The following SH3RF3 variants were observed in gnomAD, a reference collection of about 807,000 sequenced individuals.
SH3RF3 encodes the protein E3 ubiquitin-protein ligase SH3RF3.
Under a neutral mutation model 66.3 loss-of-function variants are expected in SH3RF3, and 29 were observed. The ratio of observed to expected loss-of-function variants is 0.44; its 90% confidence interval spans 0.33 to 0.60. SH3RF3 has a LOEUF of 0.60. SH3RF3 is among the 20% of genes least tolerant of loss of function. The pLI is 0.04. For missense variants in SH3RF3, 1,194 were observed against 1,190.9 expected (o/e 1.00, Z -0.04); for synonymous variants, 583 against 532.0 (o/e 1.10, Z -1.32).
intron 1 of SH3RF3, among the ~76,000 whole-genome samples, chr2:109,192,516 C>A (rs993500120): frequency 6.6e-6 from 1 of 152,136 alleles, no homozygotes; most frequent in Non-Finnish European, 1.5e-5. Flanking sequence ...GTAAGCCTTT[C>A]TTATAGAGAT....
intron 1 of SH3RF3, among the ~76,000 whole-genome samples, chr2:109,292,624 G>T (rs953774379): frequency 6.6e-6 from 1 of 152,064 alleles, no homozygotes; most frequent in Non-Finnish European, 1.5e-5. Flanking sequence ...CTTTCCTCTT[G>T]CCAATTTTCT....
intron 1 of SH3RF3, among the ~76,000 whole-genome samples, chr2:109,248,250 G>A (rs970797652): frequency 5.9e-5 from 9 of 152,126 alleles, no homozygotes; most frequent in South Asian, 4.1e-4. Flanking sequence ...AATAAACAAG[G>A]TCACTTCTCT....
At chr2:109,378,009 C>A (rs1371350560) in intron 3 of SH3RF3, among the ~76,000 whole-genome samples, 2 of 152,210 alleles carry the variant, frequency 1.3e-5, no homozygotes, top group African/African-American at 4.8e-5. Context: ...GCAGCTCCGC[C>A]GTGTTGGATT....
At chr2:109,372,224 T>A (rs926336273) in intron 3 of SH3RF3, among the ~76,000 whole-genome samples, 1 of 152,202 alleles carries the variant, frequency 6.6e-6, no homozygotes, top group African/African-American at 2.4e-5. Flanking sequence ...TAATTTCCTT[T>A]CCCTTTTCTG....
chr2:109,170,242 CT>C (rs1558938105), intron 1 of SH3RF3, among the ~76,000 whole-genome samples: 1 of 9,788 alleles, frequency 1.0e-4, no homozygotes, highest in Non-Finnish European at 2.4e-4. Context: ...CTCTTCTTTT[CT>C]TTTCTCTTCT....
intron 1 of SH3RF3, among the ~76,000 whole-genome samples, chr2:109,271,379 C>G (rs1408802615): frequency 2.6e-5 from 4 of 152,310 alleles, no homozygotes; most frequent in Admixed American, 6.5e-5. Context: ...AATCTCAACC[C>G]AAAAGCTCAA....
chr2:109,370,738 A>AC (rs964782609), intron 2 of SH3RF3, among the ~76,000 whole-genome samples: 6 of 149,868 alleles, frequency 4.0e-5, no homozygotes, highest in Admixed American at 2.7e-4. Flanking sequence ...CCCAGTCTCA[A>AC]CCCCCCCGAA....
At chr2:109,208,808 C>T (rs1200939381) in intron 1 of SH3RF3, among the ~76,000 whole-genome samples, 1 of 152,188 alleles carries the variant, frequency 6.6e-6, no homozygotes, top group Admixed American at 6.5e-5. Context: ...GCAGATGTCT[C>T]AAGCATGAGA....
In SH3RF3 at chr2:109,280,206, C is replaced by T. The variant is rs192858316; in HGVS notation, c.574-67468C>T. ...TCAGTGGCCTGCACTAGTGAATGCC[C>T]GTGGCACACAGAACACCTGGCTGTG... On this transcript the variant is annotated intron_variant, in intron 1 of 9. Coordinates refer to ENST00000309415, the MANE Select transcript of SH3RF3 (RefSeq NM_001099289.3). Among the ~76,000 whole-genome samples the T allele has an allele frequency of 3.8e-3, 575 of 152,256 alleles. 3 individuals are homozygous for T. The highest frequency in any genetic ancestry group is 0.013 in the African/African-American group (551 of 41,550).
chr2:109,319,742 C>T (rs988738434), intron 1 of SH3RF3, among the ~76,000 whole-genome samples: 3 of 152,242 alleles, frequency 2.0e-5, no homozygotes, highest in Non-Finnish European at 4.4e-5. Context: ...CTGCCTGCCC[C>T]CAGCCTGTCC....
At chr2:109,234,133 AGATT>A (rs1278770008) in intron 1 of SH3RF3, among the ~76,000 whole-genome samples, 3 of 152,254 alleles carry the variant, frequency 2.0e-5, no homozygotes, top group Non-Finnish European at 2.9e-5. Context: ...AGGAAATGCC[AGATT>A]GTTTTTCAAA....
intron 7 of SH3RF3, 138 bp downstream of exon 7, chr2:109,437,284 A>T: frequency 7.3e-7 from 1 of 1,361,374 alleles, no homozygotes; most frequent in Non-Finnish European, 9.8e-7. Flanking sequence ...GGAGAAACTT[A>T]AGGAAAACCG....
intron 1 of SH3RF3, among the ~76,000 whole-genome samples, chr2:109,298,488 G>A (rs1305557557): frequency 1.3e-5 from 2 of 152,120 alleles, no homozygotes; most frequent in Admixed American, 6.5e-5. Flanking sequence ...CAGGCTGGGT[G>A]GGGGATGATT....
At chr2:109,345,158 GTC>G (rs914510640) in intron 1 of SH3RF3, among the ~76,000 whole-genome samples, 2 of 152,196 alleles carry the variant, frequency 1.3e-5, no homozygotes, top group African/African-American at 2.4e-5. Context: ...AGATGCCTCA[GTC>G]TCTCTGGCTC....
intron 1 of SH3RF3, among the ~76,000 whole-genome samples, chr2:109,286,482 C>T (rs896481149): frequency 2.6e-5 from 4 of 152,178 alleles, no homozygotes; most frequent in Admixed American, 1.3e-4. Flanking sequence ...CACAGTCCCG[C>T]ACAAGGCCAT....
chr2:109,421,031 A>G (rs1441619296), intron 5 of SH3RF3, among the ~76,000 whole-genome samples: 1 of 152,222 alleles, frequency 6.6e-6, no homozygotes, highest in African/African-American at 2.4e-5. Flanking sequence ...GCACTGGACA[A>G]AAGATACTAC....
At chr2:109,430,697 C>A (rs946517879) in intron 5 of SH3RF3, among the ~76,000 whole-genome samples, 1 of 152,246 alleles carries the variant, frequency 6.6e-6, no homozygotes, top group Middle Eastern at 3.2e-3. Context: ...GGAACAGAAT[C>A]ACACCCTGGT....
At chr2:109,377,262 C>T (rs1559050822) in intron 3 of SH3RF3, among the ~76,000 whole-genome samples, 1 of 152,146 alleles carries the variant, frequency 6.6e-6, no homozygotes, top group East Asian at 1.9e-4. Context: ...CTCCGTGGGC[C>T]AGCGGGGCGT....
chr2:109,194,902 A>AG (rs1273752329), intron 1 of SH3RF3, among the ~76,000 whole-genome samples: 2 of 152,192 alleles, frequency 1.3e-5, no homozygotes, highest in Non-Finnish European at 2.9e-5. Context: ...TACTTGGAAA[A>AG]GAAAAAAGAA....
Sources: allele counts gnomAD v4.1 joint callset (sites outside exome capture counted in the v4.1 genomes callset), GRCh38; gene constraint gnomAD v4.1.1; transcripts MANE v1.5; gene names NCBI Gene and HGNC (gene_info 2026-07-23, HGNC 2026-07-21).